GRM7: variants seen among roughly 807,000 people sequenced by gnomAD.
GRM7 encodes the protein glutamate metabotropic receptor 7.
GRM7 carries 35 observed loss-of-function variants against 84.5 expected under a neutral mutation model. That is an observed-to-expected ratio of 0.41 (90% CI 0.32 to 0.55). The LOEUF (loss-of-function observed/expected upper bound fraction) is 0.55. GRM7 is among the 20% of genes least tolerant of loss of function. The pLI, the probability that GRM7 is intolerant of heterozygous loss-of-function variation, is 0.19. For synonymous variants in GRM7, 487 were observed against 455.1 expected (o/e 1.07, Z -0.89); for missense variants, 1,003 against 1,194.6 (o/e 0.84, Z 2.36).
intron 1 of GRM7, among the ~76,000 whole-genome samples, chr3:7,083,067 G>C (rs1296374690): frequency 6.6e-6 from 1 of 152,180 alleles, no homozygotes; most frequent in Non-Finnish European, 1.5e-5. Flanking sequence ...AGCAGGCTTT[G>C]AGAGGATTGA....
chr3:6,897,056 T>G (rs1424629666), intron 1 of GRM7, among the ~76,000 whole-genome samples: 1 of 152,238 alleles, frequency 6.6e-6, no homozygotes, highest in African/African-American at 2.4e-5. Flanking sequence ...CTCCAACACA[T>G]AGTCGGTGCT....
chr3:7,634,479 C>CAAA (rs869045574), intron 8 of GRM7, among the ~76,000 whole-genome samples: 1,494 of 29,260 alleles, frequency 0.051, 27 homozygotes, highest in South Asian at 0.092. Flanking sequence ...ACTTTTTTTC[C>CAAA]AAAAAAAAAA....
At chr3:7,359,278 C>G (rs1322564173) in intron 4 of GRM7, among the ~76,000 whole-genome samples, 1 of 133,292 alleles carries the variant, frequency 7.5e-6, no homozygotes, top group East Asian at 2.0e-4. Context: ...CTCAGGTTTT[C>G]CCTTTCATTA....
At chr3:7,403,824 G>T (rs1169802071) in intron 4 of GRM7, among the ~76,000 whole-genome samples, 1 of 150,996 alleles carries the variant, frequency 6.6e-6, no homozygotes, top group Non-Finnish European at 1.5e-5. Context: ...TGTGTGTGTG[G>T]ATGGATGGAT....
At chr3:7,244,234 A>G (rs1697670540) in intron 2 of GRM7, among the ~76,000 whole-genome samples, 1 of 152,132 alleles carries the variant, frequency 6.6e-6, no homozygotes, top group African/African-American at 2.4e-5. Flanking sequence ...GATAACACTT[A>G]TCTTAAAACA....
chr3:7,086,160 T>C (rs1698452559), intron 1 of GRM7, among the ~76,000 whole-genome samples: 1 of 152,172 alleles, frequency 6.6e-6, no homozygotes, highest in Non-Finnish European at 1.5e-5. Flanking sequence ...TTGATTCTAG[T>C]TACGTTCACT....
At chr3:7,258,971 A>AGT (rs1369863517) in intron 2 of GRM7, among the ~76,000 whole-genome samples, 1 of 152,266 alleles carries the variant, frequency 6.6e-6, no homozygotes, top group Non-Finnish European at 1.5e-5. Context: ...CTTAAGATGC[A>AGT]TATGAAAATC....
chr3:7,379,973 C>T (rs902330541), intron 4 of GRM7, among the ~76,000 whole-genome samples: 1 of 152,172 alleles, frequency 6.6e-6, no homozygotes, highest in Non-Finnish European at 1.5e-5. Flanking sequence ...CCTTTATTTT[C>T]CTCTGACAGA....
intron 8 of GRM7, among the ~76,000 whole-genome samples, chr3:7,617,848 A>G (rs1328848585): frequency 6.6e-6 from 1 of 152,164 alleles, no homozygotes; most frequent in Non-Finnish European, 1.5e-5. Context: ...TTTTTAAGTC[A>G]ATCAAAACAA....
At chr3:7,689,979 C>G (rs1309441298) in intron 9 of GRM7, among the ~76,000 whole-genome samples, 1 of 152,062 alleles carries the variant, frequency 6.6e-6, no homozygotes, top group East Asian at 1.9e-4. Context: ...CAAGTGTCAC[C>G]AAGCTACAGG....
At chr3:7,177,632 G>A (rs1695199291) in intron 2 of GRM7, among the ~76,000 whole-genome samples, 1 of 150,314 alleles carries the variant, frequency 6.7e-6, no homozygotes. Flanking sequence ...GAGAAAAGAA[G>A]GAAATAGAAA....
chr3:7,398,361 T>C (rs1695301343), intron 4 of GRM7, among the ~76,000 whole-genome samples: 1 of 152,108 alleles, frequency 6.6e-6, no homozygotes, highest in South Asian at 2.1e-4. Flanking sequence ...GCAGTACAAT[T>C]ATACTTAACT....
chr3:7,479,585 A>G (rs1275100889), intron 7 of GRM7, among the ~76,000 whole-genome samples: 1 of 152,180 alleles, frequency 6.6e-6, no homozygotes, highest in Non-Finnish European at 1.5e-5. Flanking sequence ...TTGATGAACA[A>G]TAAGTGAAAA....
At chr3:7,104,444 C>T (rs1234959703) in intron 1 of GRM7, among the ~76,000 whole-genome samples, 1 of 151,758 alleles carries the variant, frequency 6.6e-6, no homozygotes, top group Non-Finnish European at 1.5e-5. Flanking sequence ...AGACACTCCA[C>T]TTCCATAATC....
chr3:7,327,022 C>G (rs1355661449), intron 4 of GRM7, among the ~76,000 whole-genome samples: 1 of 152,164 alleles, frequency 6.6e-6, no homozygotes, highest in Non-Finnish European at 1.5e-5. Flanking sequence ...GATGGCATCT[C>G]TCTTGTTCAT....
chr3:7,455,988 C>T (rs1697994116), intron 6 of GRM7, among the ~76,000 whole-genome samples: 1 of 152,018 alleles, frequency 6.6e-6, no homozygotes, highest in East Asian at 1.9e-4. Flanking sequence ...CATTAGTTTC[C>T]TAATTTTGAT....
At chr3:6,941,448 G>T (rs1697890490) in intron 1 of GRM7, among the ~76,000 whole-genome samples, 1 of 152,190 alleles carries the variant, frequency 6.6e-6, no homozygotes, top group South Asian at 2.1e-4. Flanking sequence ...GGATGAAAAA[G>T]TCAAGTTAGG....
Position 6,906,235 on chromosome 3 carries a change from G to T in GRM7, c.519+44328G>T, listed in dbSNP as rs140560669. ...TAATATCGTTAGGATCTGACAGGCT[G>T]CTGGGTTCCAACAGCAGCAAGACAG... is the stretch of plus-strand genomic sequence containing the variant. On this transcript the variant is annotated intron_variant, in intron 1 of 9. Transcript: ENST00000357716. Among the ~76,000 whole-genome samples, 3 of 152,252 alleles carry T rather than the reference G, an allele frequency of 2.0e-5. No homozygotes were observed. The East Asian group carries it at 5.8e-4, about 29-fold the overall frequency.
intron 7 of GRM7, among the ~76,000 whole-genome samples, chr3:7,493,888 A>G (rs370248785): frequency 6.6e-6 from 1 of 152,056 alleles, no homozygotes; most frequent in African/African-American, 2.4e-5. Flanking sequence ...ATGACCTTTA[A>G]TAGTCTACTA....
Sources: allele counts gnomAD v4.1 joint callset (sites outside exome capture counted in the v4.1 genomes callset), GRCh38; gene constraint gnomAD v4.1.1; transcripts MANE v1.5; gene names NCBI Gene and HGNC (gene_info 2026-07-23, HGNC 2026-07-21).